TMEM178B: variants seen among roughly 807,000 people sequenced by gnomAD.
TMEM178B encodes transmembrane protein 178B.
TMEM178B carries 5 observed loss-of-function variants against 31.0 expected under a neutral mutation model. The ratio of observed to expected loss-of-function variants is 0.16; its 90% CI spans 0.08 to 0.34. The LOEUF (loss-of-function observed/expected upper bound fraction) is 0.34. Among genes scored for constraint, TMEM178B ranks in the 10% least tolerant of loss-of-function variants. TMEM178B has a pLI of 1.00. For missense variants in TMEM178B, 275 were observed against 400.3 expected, an observed-to-expected ratio of 0.69 and a Z score of 2.67; for synonymous variants, 164 against 164.0, an observed-to-expected ratio of 1.00 and a Z score of 0.00.
At chr7:141,355,285 A>T (rs1408440869) in intron 2 of TMEM178B, among the ~76,000 whole-genome samples, 1 of 152,184 alleles carries the variant, frequency 6.6e-6, no homozygotes, top group African/African-American at 2.4e-5. Flanking sequence ...AAAGGGAGTC[A>T]AAGGGGTGGA....
chr7:141,149,092 G>A (rs1189061806), intron 1 of TMEM178B, among the ~76,000 whole-genome samples: 1 of 152,182 alleles, frequency 6.6e-6, no homozygotes, highest in African/African-American at 2.4e-5. Context: ...CAGATTTTGT[G>A]CTAAGGTTTT....
chr7:141,445,275 C>T (rs1426715131), intron 3 of TMEM178B, among the ~76,000 whole-genome samples: 1 of 152,192 alleles, frequency 6.6e-6, no homozygotes, highest in East Asian at 1.9e-4. Flanking sequence ...TCTTCTGCTG[C>T]TAGACAAAGA....
At chr7:141,429,308 T>TACACACACACACACAC (rs3039921) in intron 2 of TMEM178B, among the ~76,000 whole-genome samples, 54 of 149,740 alleles carry the variant, frequency 3.6e-4, no homozygotes, top group South Asian at 1.3e-3. Context: ...GAAAATGTAA[T>TACACACACACACACAC]ACACACACAC....
intron 2 of TMEM178B, among the ~76,000 whole-genome samples, chr7:141,362,292 A>G (rs546565056): frequency 5.9e-5 from 9 of 152,320 alleles, no homozygotes; most frequent in African/African-American, 2.2e-4. Flanking sequence ...ATTTGCTGGG[A>G]CAAAAATCAC....
intron 1 of TMEM178B, among the ~76,000 whole-genome samples, chr7:141,199,253 A>T (rs1204011252): frequency 6.6e-6 from 1 of 152,258 alleles, no homozygotes; most frequent in Admixed American, 6.5e-5. Context: ...AGCTCCCACT[A>T]AAGATGAGGT....
chr7:141,493,731 A>T, the TMEM178B span, among the ~76,000 whole-genome samples: 6 of 152,176 alleles, frequency 3.9e-5, no homozygotes, highest in Non-Finnish European at 1.5e-5. Flanking sequence ...GTTTTTAGTA[A>T]TATTTTTGCT....
intron 2 of TMEM178B, among the ~76,000 whole-genome samples, chr7:141,241,550 G>A (rs372990179): frequency 7.6e-4 from 105 of 138,640 alleles, no homozygotes; most frequent in African/African-American, 2.7e-3. Flanking sequence ...AGATCCCGCT[G>A]TTGCACTCCA....
At position 141,465,531 on chromosome 7, in the gene TMEM178B, G is replaced by A. The variant is rs73520435; in HGVS notation, c.635-5005G>A. 8.2e-3 allele frequency among the ~76,000 whole-genome samples: 1,252 copies of A among 152,174 alleles called. 16 individuals are homozygous for A. Among genetic ancestry groups the A allele is most frequent in the African/African-American group, 0.028 (1,172 of 41,510 alleles). On this transcript the variant is annotated intron_variant, in intron 3 of 3. Coordinates refer to ENST00000565468, the MANE Select transcript of TMEM178B (RefSeq NM_001195278.2). ...GTCTCCCCTTTGTCCCCCTCTGTAC[G>A]GGATTCAATCAATGTTTGTCAAAGC...
chr7:141,174,541 T>G (rs1796397511), intron 1 of TMEM178B, among the ~76,000 whole-genome samples: 1 of 152,146 alleles, frequency 6.6e-6, no homozygotes, highest in Admixed American at 6.5e-5. Context: ...CACCACACTG[T>G]TTTCCACAAT....
chr7:141,262,607 A>C (rs913210505), intron 2 of TMEM178B, among the ~76,000 whole-genome samples: 2 of 151,912 alleles, frequency 1.3e-5, no homozygotes, highest in African/African-American at 4.8e-5. Flanking sequence ...TTCAGCTGGC[A>C]ATTTGCTACA....
At chr7:141,082,296 T>C (rs1473115182) in intron 1 of TMEM178B, among the ~76,000 whole-genome samples, 1 of 152,216 alleles carries the variant, frequency 6.6e-6, no homozygotes, top group African/African-American at 2.4e-5. Flanking sequence ...TTTCATTAGC[T>C]GAGGGACCTC....
chr7:141,359,345 T>C (rs1446541469), intron 2 of TMEM178B, among the ~76,000 whole-genome samples: 1 of 152,222 alleles, frequency 6.6e-6, no homozygotes, highest in South Asian at 2.1e-4. Flanking sequence ...GATGGTATTG[T>C]TGAAGTTCTG....
At chr7:141,111,235 A>G (rs553651095) in intron 1 of TMEM178B, among the ~76,000 whole-genome samples, 12 of 152,168 alleles carry the variant, frequency 7.9e-5, no homozygotes, top group Non-Finnish European at 1.3e-4. Flanking sequence ...TGTGCAGAGG[A>G]ACTGCCCTTT....
At chr7:141,501,875 C>T in the TMEM178B span, among the ~76,000 whole-genome samples, 23 of 149,264 alleles carry the variant, frequency 1.5e-4, no homozygotes. Flanking sequence ...TCTCTCTGTC[C>T]CCAGATAAAA....
At chr7:141,262,765 A>T (rs1798034736) in intron 2 of TMEM178B, among the ~76,000 whole-genome samples, 1 of 152,122 alleles carries the variant, frequency 6.6e-6, no homozygotes, top group Non-Finnish European at 1.5e-5. Flanking sequence ...TAAGTGACTG[A>T]TACAGCCCTG....
chr7:141,510,419 C>T, the TMEM178B span, among the ~76,000 whole-genome samples: 1 of 152,028 alleles, frequency 6.6e-6, no homozygotes, highest in Non-Finnish European at 1.5e-5. Flanking sequence ...GGCGCGGTGG[C>T]TCATGCCTGT....
downstream of TMEM178B, among the ~76,000 whole-genome samples, chr7:141,482,990 C>T (rs1431334070): frequency 6.6e-6 from 1 of 152,130 alleles, no homozygotes; most frequent in African/African-American, 2.4e-5. Flanking sequence ...TACTCAGTCT[C>T]CAGCCCTGTC....
At chr7:141,119,600 CT>C (rs1438225376) in intron 1 of TMEM178B, among the ~76,000 whole-genome samples, 1 of 152,184 alleles carries the variant, frequency 6.6e-6, no homozygotes, top group African/African-American at 2.4e-5. Flanking sequence ...TATGAACATG[CT>C]TTGATGTATT....
At chr7:141,459,669 A>C (rs967433375) in intron 3 of TMEM178B, among the ~76,000 whole-genome samples, 13 of 152,160 alleles carry the variant, frequency 8.5e-5, no homozygotes, top group African/African-American at 2.9e-4. Flanking sequence ...GAGGATGAGA[A>C]TTTCAGACTC....
Sources: gnomAD v4.1 joint callset for allele counts (sites outside exome capture counted in the v4.1 genomes callset) on GRCh38, gnomAD v4.1.1 for gene constraint, MANE v1.5 for transcripts, NCBI Gene and HGNC (gene_info 2026-07-23, HGNC 2026-07-21) for gene names.